The following GPATCH2 variants were observed in gnomAD, a reference collection of about 807,000 sequenced individuals.
GPATCH2 encodes the protein G-patch domain containing 2, also known as G patch domain-containing protein 2.
Under a neutral mutation model 58.0 loss-of-function variants are expected in GPATCH2, and 51 were observed. That is an observed-to-expected ratio of 0.88 (90% CI 0.70 to 1.11). GPATCH2 has a LOEUF of 1.11. Among genes scored for constraint, GPATCH2 ranks in the 50% most tolerant of loss-of-function variants. The pLI is 0.00. For missense variants in GPATCH2, 625 were observed against 652.2 expected, an observed-to-expected ratio of 0.96 and a Z score of 0.45; for synonymous variants, 222 against 218.5, an observed-to-expected ratio of 1.02 and a Z score of -0.14.
Position 217,584,364 on chromosome 1 carries a change from T to TATATATACAC in GPATCH2, c.1098+25956_1098+25957insGTGTATATAT, listed in dbSNP as rs1226981154. 6.8e-3 allele frequency among the ~76,000 whole-genome samples: 828 copies of TATATATACAC among 121,370 alleles called. 7 individuals carry two copies. Among genetic ancestry groups the TATATATACAC allele is most frequent in the Middle Eastern group, 0.037 (9 of 244 alleles). The allele number at this position is 121,370 out of a possible 152,430, so 79.6% of individuals were successfully genotyped here. A position where few individuals can be genotyped will look rare whatever the true frequency, so the allele number is the denominator to read the frequency against. ...AAAAAAATATATATATATATATATA[T>TATATATACAC]ACACACACACAAAAATTAGCCAGGC... On this transcript the variant is annotated intron_variant, in intron 5 of 9. Transcript: ENST00000366935.
intron 6 of GPATCH2, 138 bp from the exon 7 acceptor site, chr1:217,498,533 A>G (rs1183445716): frequency 2.8e-6 from 2 of 717,718 alleles, no homozygotes; most frequent in Non-Finnish European, 5.0e-6. Flanking sequence ...TGGATGTTTC[A>G]TGTAATTCTA....
chr1:217,601,644 C>CT (rs1668113409), intron 5 of GPATCH2, among the ~76,000 whole-genome samples: 1 of 152,052 alleles, frequency 6.6e-6, no homozygotes, highest in African/African-American at 2.4e-5. Context: ...ACCCTTGCTC[C>CT]TTTCCCCAGT....
intron 5 of GPATCH2, among the ~76,000 whole-genome samples, chr1:217,583,513 G>A (rs1202206057): frequency 3.4e-5 from 5 of 146,986 alleles, no homozygotes; most frequent in Non-Finnish European, 5.9e-5. Flanking sequence ...AGAGGTTGCA[G>A]TGAGCCAAGA....
chr1:217,548,991 T>G (rs1302786828), intron 5 of GPATCH2, among the ~76,000 whole-genome samples: 1 of 152,208 alleles, frequency 6.6e-6, no homozygotes, highest in East Asian at 1.9e-4. Context: ...TGGTGCTCTA[T>G]TCTCTTTAAA....
At chr1:217,476,776 T>C (rs1197333739) in intron 8 of GPATCH2, among the ~76,000 whole-genome samples, 1 of 152,176 alleles carries the variant, frequency 6.6e-6, no homozygotes, top group Non-Finnish European at 1.5e-5. Flanking sequence ...TCTGGGGCTT[T>C]AAATAAATTT....
At chr1:217,431,428 T>C (rs556218282) in intron 9 of GPATCH2, 63 bp from the exon 10 acceptor site, 8 of 951,828 alleles carry the variant, frequency 8.4e-6, no homozygotes, top group Non-Finnish European at 5.2e-6. Flanking sequence ...TATTAGGCTA[T>C]GAAAACGATG....
In GPATCH2 at chr1:217,436,704, C is replaced by T. The variant is rs531922785; in HGVS notation, c.1367-5339G>A. 2.3e-4 allele frequency among the ~76,000 whole-genome samples: 35 copies of T among 152,196 alleles called. 1 individual carries two copies. In the South Asian group the frequency reaches 4.8e-3, roughly 21 times the overall value. ...TTATACATTATAAATGCTTCTGTAT[C>T]CATAATTTCTTTTGATCTTATCAAC... On this transcript the variant is annotated intron_variant, in intron 9 of 9. Transcript: ENST00000366935.
At chr1:217,629,724 C>A (rs1369048205) in intron 1 of GPATCH2, among the ~76,000 whole-genome samples, 4 of 152,148 alleles carry the variant, frequency 2.6e-5, no homozygotes, top group African/African-American at 9.7e-5. Flanking sequence ...GCATTTCATT[C>A]TATGCTAGTT....
rs112590801 is a variant in GPATCH2 at position 217,594,870 on chromosome 1, T to C, written c.1098+15451A>G. Among the ~76,000 whole-genome samples the C allele has an allele frequency of 7.3e-4, 111 of 152,296 alleles. 1 individual carries two copies. Among genetic ancestry groups the C allele is most frequent in the African/African-American group, 2.6e-3 (108 of 41,566 alleles). ...CTCCTTGTCCTTCACAGTGCTACAC[T>C]GTGGAGCTGGGAGTTATACATTGGG... On this transcript the variant is annotated intron_variant, in intron 5 of 9. Transcript: ENST00000366935.
At chr1:217,477,171 C>G (rs1661004908) in intron 8 of GPATCH2, among the ~76,000 whole-genome samples, 1 of 152,044 alleles carries the variant, frequency 6.6e-6, no homozygotes, top group African/African-American at 2.4e-5. Context: ...GGACTTGGTT[C>G]TGACAGGATT....
intron 5 of GPATCH2, among the ~76,000 whole-genome samples, chr1:217,562,635 G>A (rs770710426): frequency 1.3e-5 from 2 of 152,076 alleles, no homozygotes; most frequent in African/African-American, 2.4e-5. Flanking sequence ...ACAAGTTTTC[G>A]GCTCACTGAG....
chr1:217,571,717 A>C (rs1228342582), intron 5 of GPATCH2, among the ~76,000 whole-genome samples: 2 of 148,360 alleles, frequency 1.3e-5, no homozygotes, highest in South Asian at 2.1e-4. Flanking sequence ...AAAAAAAAAA[A>C]AAACAAAAAA....
rs1411746617 is a variant in GPATCH2 at position 217,428,990 on chromosome 1, T to G, written c.*2155A>C. ...AAGGTGAAAAAGAACAGCCAAGTCCTCAGGAGTGTGGAACCAGGCTAACAA... is the reference window on the plus strand; with the variant it reads ...AAGGTGAAAAAGAACAGCCAAGTCCGCAGGAGTGTGGAACCAGGCTAACAA... On this transcript the variant is annotated 3_prime_UTR_variant, in exon 10 of 10. Coordinates refer to ENST00000366935, the MANE Select transcript of GPATCH2 (RefSeq NM_018040.5). The G allele has an allele frequency of 6.6e-6, 1 of 152,160 alleles. No homozygotes were observed. Among genetic ancestry groups the G allele is most frequent in the Non-Finnish European group, 1.5e-5 (1 of 68,030 alleles). 9.4% of individuals were successfully genotyped at this position (152,160 alleles called of 1,614,324 possible). A position where few individuals can be genotyped will look rare whatever the true frequency, so the allele number is the denominator to read the frequency against.
chr1:217,567,907 G>C (rs1451601918), intron 5 of GPATCH2, among the ~76,000 whole-genome samples: 4 of 152,120 alleles, frequency 2.6e-5, no homozygotes, highest in Non-Finnish European at 4.4e-5. Context: ...ACAAGGTCAG[G>C]AGATCGAGAC....
At chr1:217,452,480 T>C (rs1464056350) in intron 8 of GPATCH2, among the ~76,000 whole-genome samples, 2 of 152,212 alleles carry the variant, frequency 1.3e-5, no homozygotes, top group South Asian at 2.1e-4. Context: ...ATTAATACCA[T>C]TGGTTTCTAT....
At chr1:217,623,329 C>T (rs900610968) in intron 1 of GPATCH2, among the ~76,000 whole-genome samples, 1 of 152,086 alleles carries the variant, frequency 6.6e-6, no homozygotes, top group Non-Finnish European at 1.5e-5. Context: ...TACTGCAGCA[C>T]AGAACATTTA....
intron 5 of GPATCH2, among the ~76,000 whole-genome samples, chr1:217,574,626 G>A (rs1449046528): frequency 6.6e-6 from 1 of 152,164 alleles, no homozygotes; most frequent in Non-Finnish European, 1.5e-5. Flanking sequence ...TGATGGAACT[G>A]TCATGTTGCT....
chr1:217,459,176 T>C (rs1660089185), intron 8 of GPATCH2, among the ~76,000 whole-genome samples: 2 of 152,182 alleles, frequency 1.3e-5, no homozygotes, highest in African/African-American at 4.8e-5. Flanking sequence ...CCTTAACAAT[T>C]GACAAATTTT....
At chr1:217,586,496 T>A (rs1031942085) in intron 5 of GPATCH2, among the ~76,000 whole-genome samples, 2 of 152,174 alleles carry the variant, frequency 1.3e-5, no homozygotes, top group Non-Finnish European at 2.9e-5. Flanking sequence ...CTGGAAGGTC[T>A]TCAGGGGCAA....
Sources: allele counts gnomAD v4.1 joint callset (sites outside exome capture counted in the v4.1 genomes callset), GRCh38; gene constraint gnomAD v4.1.1; transcripts MANE v1.5; gene names NCBI Gene and HGNC (gene_info 2026-07-23, HGNC 2026-07-21).